The following ODAPH variants were observed in gnomAD, a reference collection of about 807,000 sequenced individuals.
ODAPH encodes the protein odontogenesis associated phosphoprotein.
Under a neutral mutation model 2.8 loss-of-function variants are expected in ODAPH, and 2 were observed. That is an observed-to-expected ratio of 0.72 (90% CI 0.30 to 2.28). The LOEUF (loss-of-function observed/expected upper bound fraction) is 2.28. Ranked by LOEUF, ODAPH falls within the 30% of genes most tolerant of loss-of-function variation. The probability of loss-of-function intolerance (pLI) is 0.13; values close to 1 mark genes in which losing one functional copy is unlikely to be tolerated. For synonymous variants in ODAPH, 75 were observed against 60.3 expected, an observed-to-expected ratio of 1.24 and a Z score of -1.13; for missense variants, 159 against 163.3, an observed-to-expected ratio of 0.97 and a Z score of 0.14.
chr4:75,563,005 CTTTTTTTTTTTTTTTTTTTTTTT>C (rs542417085), intron 1 of ODAPH, among the ~76,000 whole-genome samples: 1 of 59,536 alleles, frequency 1.7e-5, no homozygotes, highest in East Asian at 5.8e-4. Flanking sequence ...ATCCACACAT[CTTTTTTTTTTTTTTTTTTTTTTT>C]TTTTTTTTTT....
intron 1 of ODAPH, among the ~76,000 whole-genome samples, chr4:75,561,900 C>A (rs1727591761): frequency 6.6e-6 from 1 of 152,140 alleles, no homozygotes; most frequent in African/African-American, 2.4e-5. Context: ...CACTCTGTTA[C>A]CACAAGGCTC....
chr4:75,561,092 C>T (rs951760644), intron 1 of ODAPH, among the ~76,000 whole-genome samples: 6 of 151,960 alleles, frequency 3.9e-5, no homozygotes, highest in African/African-American at 9.7e-5. Context: ...GGCGTGGTGG[C>T]GCGCGCCTGT....
rs144626669 is a variant in ODAPH, at chr4:75,564,650, C to G, written c.*211C>G. 8.0e-6 allele frequency: 8 copies of G among 1,000,586 alleles called. No individual in the cohort carries two copies. In the East Asian group the frequency reaches 2.1e-4, roughly 26 times the overall value. The allele number at this position is 1,000,586 out of a possible 1,614,324, so 62.0% of individuals were successfully genotyped here. On this transcript the variant is annotated 3_prime_UTR_variant, in exon 2 of 2. Coordinates refer to ENST00000311623, the MANE Select transcript of ODAPH (RefSeq NM_178497.5). ...TGATGGTTGCAAAATTGGACAATAA[C>G]CACGTTATTTTTATCCTCAACCTCT...
rs961670750 is a variant in ODAPH, at chr4:75,564,443, G to A, written c.*4G>A. 3.7e-5 allele frequency: 59 copies of A among 1,613,886 alleles called. No homozygotes were observed. The highest frequency in any genetic ancestry group is 4.6e-5 in the Non-Finnish European group (54 of 1,180,010). ...AAGCTCATCTGAGGAAAGCTGAGAG[G>A]GAAGAGAAACCCAAACATACTGAAG... On this transcript the variant is annotated 3_prime_UTR_variant, in exon 2 of 2. Coordinates refer to ENST00000311623, the MANE Select transcript of ODAPH (RefSeq NM_178497.5).
downstream of ODAPH, chr4:75,564,836 C>A (rs1301519420): frequency 1.4e-5 from 5 of 349,318 alleles, no homozygotes; most frequent in Non-Finnish European, 2.6e-5. Flanking sequence ...CTGATGACAC[C>A]GTTTTTATAC....
At position 75,564,707 on chromosome 4, in the gene ODAPH, C is replaced by A. The variant is rs571916816; in HGVS notation, c.*268C>A. 7.1e-5 allele frequency: 46 copies of A among 647,680 alleles called. 1 individual carries two copies. In the African/African-American group the frequency reaches 7.3e-4, roughly 10 times the overall value. The allele number at this position is 647,680 out of a possible 1,614,324, so 40.1% of individuals were successfully genotyped here. ...CACAGGATATTTATGCAAATAAAAT[C>A]TTTAAATGGGTGGCTCTAGTAATTC... On this transcript the variant is annotated 3_prime_UTR_variant, in exon 2 of 2. Coordinates refer to ENST00000311623, the MANE Select transcript of ODAPH (RefSeq NM_178497.5).
At chr4:75,560,623 C>G (rs979894789) in intron 1 of ODAPH, among the ~76,000 whole-genome samples, 5 of 152,226 alleles carry the variant, frequency 3.3e-5, no homozygotes, top group Non-Finnish European at 7.3e-5. Flanking sequence ...TGCCCACATT[C>G]CTGGGTAAGT....
intron 1 of ODAPH, chr4:75,556,522 A>G: frequency 6.5e-7 from 1 of 1,532,370 alleles, no homozygotes; most frequent in Non-Finnish European, 8.7e-7. Flanking sequence ...AAAGCTAACA[A>G]TTCCACTTTG....
At position 75,564,122 on chromosome 4, in the gene ODAPH, G is replaced by A. The variant is rs777745392; in HGVS notation, c.76G>A (p.Glu26Lys). The change falls in exon 2 of 2, where the codon GAG becomes AAG. Residue 26 changes from glutamate (E) to lysine (K), a missense_variant. Transcript: ENST00000311623. Reference protein sequence around the residue: ...LVVTVAEGQEEVFTPPGDSQN... With the variant: ...LVVTVAEGQEKVFTPPGDSQN... ...CGTTTTCCTCTCCACAGGACAAGAA[G>A]AGGTATTTACGCCTCCTGGAGATTC... 6.2e-7 allele frequency: 1 copy of A among 1,614,170 alleles called. No homozygotes were observed. Among genetic ancestry groups the A allele is most frequent in the Non-Finnish European group, 8.5e-7 (1 of 1,180,040 alleles).
chr4:75,561,453 A>T (rs2148843583), intron 1 of ODAPH, among the ~76,000 whole-genome samples: 1 of 152,256 alleles, frequency 6.6e-6, no homozygotes, highest in South Asian at 2.1e-4. Context: ...AGGAACAGAC[A>T]CCCATTCAAG....
intron 1 of ODAPH, chr4:75,563,398 A>G (rs1261726337): frequency 6.5e-6 from 1 of 154,106 alleles, no homozygotes; most frequent in East Asian, 1.9e-4. Context: ...GTGTATGTGT[A>G]TAAACATATG....
rs779426385 is a variant in ODAPH at position 75,564,145 on chromosome 4, T to G, written c.99T>G (p.Asp33Glu). 30 of 1,613,998 alleles carry G rather than the reference T, an allele frequency of 1.9e-5. No homozygotes were observed. In the East Asian group the frequency reaches 4.7e-4, roughly 25 times the overall value. ...AAGAGGTATTTACGCCTCCTGGAGATTCACAAAATAATGCGGACGCTACCG... is the reference window on the plus strand; with the variant it reads ...AAGAGGTATTTACGCCTCCTGGAGAGTCACAAAATAATGCGGACGCTACCG... ...GQEEVFTPPG[D>E]SQNNADATDC... Residue 33 changes from aspartate (D) to glutamate (E), a missense_variant, in exon 2 of 2, where the codon GAT becomes GAG. Transcript: ENST00000311623.
In ODAPH at chr4:75,564,048, A is replaced by G. The variant is rs192057129; in HGVS notation, c.68-66A>G. 3.5e-6 allele frequency: 5 copies of G among 1,417,050 alleles called. No homozygotes were observed. The Admixed American group carries it at 5.1e-5, about 14-fold the overall frequency. The allele number at this position is 1,417,050 out of a possible 1,614,324, so 87.8% of individuals were successfully genotyped here. A position where few individuals can be genotyped will look rare whatever the true frequency, so the allele number is the denominator to read the frequency against. Reference sequence around the variant, plus strand: ...CTTCCCATCTTTCTCCTCTGCCACCACTCTAAACCACTCTTCTGCTTCTGT... The same window carrying G: ...CTTCCCATCTTTCTCCTCTGCCACCGCTCTAAACCACTCTTCTGCTTCTGT... On this transcript the variant is annotated intron_variant, in intron 1 of 1. Transcript: ENST00000311623.
chr4:75,564,216 C>G lies in ODAPH; in HGVS notation c.170C>G (p.Pro57Arg), dbSNP rs768369237. 1 of 1,614,224 alleles carries G rather than the reference C, an allele frequency of 6.2e-7. No individual in the cohort carries two copies. Among genetic ancestry groups the G allele is most frequent in the East Asian group, 2.2e-5 (1 of 44,892 alleles). ...TLTPPPAPRS[P>R]VTRAQPITKT... ...ACCCCTCCACCTGCCCCGAGGAGTCCGGTCACAAGGGCCCAGCCCATCACA... is the reference window on the plus strand; with the variant it reads ...ACCCCTCCACCTGCCCCGAGGAGTCGGGTCACAAGGGCCCAGCCCATCACA... The change falls in exon 2 of 2, where the codon CCG becomes CGG. Residue 57 changes from proline to arginine, a missense_variant. Physicochemically the swap from Pro to Arg is moderately radical, Grantham distance 103. Transcript: ENST00000311623.
At chr4:75,556,677 A>C (rs1578291460) in intron 1 of ODAPH, 3 of 903,930 alleles carry the variant, frequency 3.3e-6, no homozygotes, top group African/African-American at 3.3e-5. Context: ...TTCTTTCTTT[A>C]GGATTTTATT....
At chr4:75,559,903 T>C (rs1013927774) in intron 1 of ODAPH, among the ~76,000 whole-genome samples, 8 of 152,184 alleles carry the variant, frequency 5.3e-5, no homozygotes, top group Non-Finnish European at 1.2e-4. Flanking sequence ...ACACAGCTGA[T>C]GAGTATGATG....
At position 75,564,265 on chromosome 4, in the gene ODAPH, T is replaced by C; in HGVS notation, c.219T>C (p.His73=). 1.2e-6 allele frequency: 2 copies of C among 1,614,180 alleles called. No individual in the cohort carries two copies. The highest frequency in any genetic ancestry group is 1.7e-6 in the Non-Finnish European group (2 of 1,180,030). ...CAAAGACACCCAGGTGTCCCTTCCA[T>C]TTTTTTCCACGAAGGCCCAGAATCC... ...PITKTPRCPF[H]FFPRRPRIHF... Residue 73 remains histidine, a synonymous_variant, in exon 2 of 2, where the codon CAT becomes CAC. Coordinates refer to ENST00000311623, the MANE Select transcript of ODAPH (RefSeq NM_178497.5).
At chr4:75,560,884 A>G (rs1327954486) in intron 1 of ODAPH, among the ~76,000 whole-genome samples, 1 of 152,212 alleles carries the variant, frequency 6.6e-6, no homozygotes, top group Non-Finnish European at 1.5e-5. Flanking sequence ...GGCCTCGTTA[A>G]GCCTGAGCTG....
chr4:75,563,026 T>G (rs981900114), intron 1 of ODAPH, among the ~76,000 whole-genome samples: 3 of 119,954 alleles, frequency 2.5e-5, no homozygotes, highest in Non-Finnish European at 3.5e-5. Context: ...TTTTTTTTTT[T>G]TTTTTTTTTT....
Sources: gnomAD v4.1 joint callset for allele counts (sites outside exome capture counted in the v4.1 genomes callset) on GRCh38, gnomAD v4.1.1 for gene constraint, MANE v1.5 for transcripts, NCBI Gene and HGNC (gene_info 2026-07-23, HGNC 2026-07-21) for gene names.